FBXL13: variants seen among roughly 807,000 people sequenced by gnomAD.
FBXL13 encodes the protein F-box and leucine rich repeat protein 13.
FBXL13 carries 67 observed loss-of-function variants against 83.6 expected under a neutral mutation model. That is an observed-to-expected ratio of 0.80 (90% CI 0.66 to 0.98). FBXL13 has a LOEUF of 0.98. Among genes scored for constraint, FBXL13 ranks in the 50% least tolerant of loss-of-function variants. The pLI is 0.00. For synonymous variants in FBXL13, 272 were observed against 299.5 expected, an observed-to-expected ratio of 0.91 and a Z score of 0.95; for missense variants, 822 against 866.5, an observed-to-expected ratio of 0.95 and a Z score of 0.64.
chr7:102,850,203 T>C (rs142616747), intron 17 of FBXL13, among the ~76,000 whole-genome samples: 123 of 152,158 alleles, frequency 8.1e-4, no homozygotes, highest in Non-Finnish European at 1.3e-3. Context: ...CACCTAAAAA[T>C]AGTACAATTT....
chr7:102,888,092 C>T (rs953028777), intron 11 of FBXL13, among the ~76,000 whole-genome samples: 1 of 152,210 alleles, frequency 6.6e-6, no homozygotes, highest in Non-Finnish European at 1.5e-5. Context: ...TCCTGCAATC[C>T]GTGTGTGCCT....
chr7:102,982,406 A>C (rs943024411), intron 6 of FBXL13, among the ~76,000 whole-genome samples: 7 of 152,096 alleles, frequency 4.6e-5, no homozygotes, highest in Non-Finnish European at 8.8e-5. Context: ...AGAGTATCAT[A>C]TATTGGACTG....
chr7:102,905,030 CAT>C (rs1813537468), intron 11 of FBXL13, among the ~76,000 whole-genome samples: 1 of 151,902 alleles, frequency 6.6e-6, no homozygotes, highest in Admixed American at 6.6e-5. Flanking sequence ...TGTGAACTAA[CAT>C]ATGATCTATC....
At chr7:102,929,976 T>C (rs372801999) in intron 9 of FBXL13, among the ~76,000 whole-genome samples, 62 of 152,172 alleles carry the variant, frequency 4.1e-4, no homozygotes, top group African/African-American at 1.2e-3. Flanking sequence ...CCCGATAGCA[T>C]TGAAGAGTGT....
intron 11 of FBXL13, among the ~76,000 whole-genome samples, chr7:102,885,310 C>T (rs1200156550): frequency 2.0e-5 from 3 of 152,158 alleles, no homozygotes; most frequent in African/African-American, 7.2e-5. Flanking sequence ...AACAAATTTC[C>T]TTGTGGGCTT....
At chr7:102,900,106 T>C (rs1442235380) in intron 11 of FBXL13, among the ~76,000 whole-genome samples, 1 of 152,164 alleles carries the variant, frequency 6.6e-6, no homozygotes, top group Non-Finnish European at 1.5e-5. Context: ...TTCTAAAACA[T>C]ATGTAATTGA....
intron 8 of FBXL13, chr7:102,944,235 A>G: frequency 6.2e-7 from 1 of 1,609,684 alleles, no homozygotes; most frequent in Non-Finnish European, 8.5e-7. Flanking sequence ...TCACACATTT[A>G]GAAGAATTAG....
intron 1 of FBXL13, among the ~76,000 whole-genome samples, chr7:103,060,038 A>T (rs1797725737): frequency 1.0e-5 from 1 of 95,378 alleles, no homozygotes; most frequent in African/African-American, 4.7e-5. Flanking sequence ...ATATATATAT[A>T]TATATATATA....
chr7:102,967,671 G>A (rs1826134119), intron 7 of FBXL13, among the ~76,000 whole-genome samples: 1 of 152,138 alleles, frequency 6.6e-6, no homozygotes, highest in African/African-American at 2.4e-5. Flanking sequence ...CCATGGTCAT[G>A]GACTTAACAT....
chr7:103,013,664 C>T (rs1791904443), intron 6 of FBXL13, among the ~76,000 whole-genome samples: 1 of 152,008 alleles, frequency 6.6e-6, no homozygotes, highest in South Asian at 2.1e-4. Flanking sequence ...TAGCACTAAA[C>T]ACCCACATCA....
At chr7:102,885,004 T>C (rs1015479895) in intron 11 of FBXL13, among the ~76,000 whole-genome samples, 3 of 152,208 alleles carry the variant, frequency 2.0e-5, no homozygotes, top group Admixed American at 6.5e-5. Context: ...AATATCCTAT[T>C]CAATGGAAAA....
At chr7:102,882,629 G>A (rs1810251900) in intron 14 of FBXL13, among the ~76,000 whole-genome samples, 1 of 152,090 alleles carries the variant, frequency 6.6e-6, no homozygotes, top group Admixed American at 6.6e-5. Context: ...AGGTGGGCTG[G>A]CACACACCTG....
chr7:102,871,785 A>G (rs530825483), intron 16 of FBXL13, among the ~76,000 whole-genome samples: 4 of 152,256 alleles, frequency 2.6e-5, no homozygotes, highest in East Asian at 1.9e-4. Context: ...CACAATAATC[A>G]ATCACCAAGT....
chr7:103,028,637 C>T lies in FBXL13; in HGVS notation c.180G>A (p.Trp60Ter), dbSNP rs750489704. 17 of 1,593,068 alleles carry T rather than the reference C, an allele frequency of 1.1e-5. No homozygotes were observed. The South Asian group carries it at 1.6e-4, about 15-fold the overall frequency. Residue 60 changes from tryptophan to a stop codon, truncating the protein, a stop_gained, in exon 4 of 20, where the codon TGG becomes TGA. Transcript: ENST00000313221. LOFTEE classifies it high-confidence loss of function. ...CTTTCTGGTCTTCCATATAAGAGTG[C>T]CAGTGATGAAATACAGATTTTTGAA... is the stretch of plus-strand genomic sequence containing the variant.
At chr7:102,923,376 A>T (rs942736277) in intron 10 of FBXL13, among the ~76,000 whole-genome samples, 4 of 152,152 alleles carry the variant, frequency 2.6e-5, no homozygotes, top group African/African-American at 9.7e-5. Context: ...CAAGCTATCA[A>T]TGAGAGGTCA....
intron 2 of FBXL13, among the ~76,000 whole-genome samples, chr7:103,043,430 A>G (rs899257272): frequency 6.6e-6 from 1 of 152,250 alleles, no homozygotes; most frequent in African/African-American, 2.4e-5. Flanking sequence ...TCAAGGATCT[A>G]GAACTAGAAA....
intron 12 of FBXL13, among the ~76,000 whole-genome samples, 192 bp downstream of exon 13, chr7:102,884,022 G>C (rs540590700): frequency 1.5e-4 from 23 of 152,220 alleles, no homozygotes; most frequent in African/African-American, 5.1e-4. Context: ...TGTGAAACAA[G>C]GTTTCTTAGG....
intron 6 of FBXL13, among the ~76,000 whole-genome samples, chr7:102,983,787 G>A (rs944013797): frequency 6.6e-6 from 1 of 152,082 alleles, no homozygotes; most frequent in Middle Eastern, 3.2e-3. Flanking sequence ...CACCGGATGA[G>A]ATAAGATAAC....
At chr7:102,814,283 A>G (rs929536556) in intron 19 of FBXL13, 2 of 152,154 alleles carry the variant, frequency 1.3e-5, no homozygotes, top group Non-Finnish European at 2.9e-5. Flanking sequence ...ATGAGTAACT[A>G]TGATGTTTAC....
Sources: allele counts gnomAD v4.1 joint callset (sites outside exome capture counted in the v4.1 genomes callset), GRCh38; gene constraint gnomAD v4.1.1; transcripts MANE v1.5; gene names NCBI Gene and HGNC (gene_info 2026-07-23, HGNC 2026-07-21).